The following DIP2C variants were observed in gnomAD, a reference collection of about 807,000 sequenced individuals.
The protein encoded by DIP2C is disco-interacting protein 2 homolog C.
A neutral mutation model predicts 192.4 loss-of-function variants in DIP2C; 33 were observed. The observed-to-expected ratio is 0.17, with a 90% CI of 0.13 to 0.23. The LOEUF (loss-of-function observed/expected upper bound fraction) is 0.23. DIP2C is among the 10% of genes least tolerant of loss of function. The probability of loss-of-function intolerance (pLI) is 1.00; values close to 1 mark genes in which losing one functional copy is unlikely to be tolerated. For synonymous variants in DIP2C, 979 were observed against 864.1 expected (o/e 1.13, Z -2.33); for missense variants, 1,537 against 2,110.1 (o/e 0.73, Z 5.32).
At chr10:553,086 C>T (rs1848663834) in intron 1 of DIP2C, among the ~76,000 whole-genome samples, 1 of 152,250 alleles carries the variant, frequency 6.6e-6, no homozygotes, top group East Asian at 1.9e-4. Flanking sequence ...CACCAAGAGG[C>T]TCGTGCCAAC....
intron 1 of DIP2C, among the ~76,000 whole-genome samples, chr10:605,819 AG>A (rs1852418381): frequency 6.6e-6 from 1 of 152,256 alleles, no homozygotes; most frequent in Non-Finnish European, 1.5e-5. Flanking sequence ...GGTAAGCCCA[AG>A]AAAGGAGGAA....
chr10:298,858 G>A (rs1955882917), intron 32 of DIP2C, among the ~76,000 whole-genome samples: 2 of 152,122 alleles, frequency 1.3e-5, no homozygotes, highest in African/African-American at 4.8e-5. Context: ...TTCAATCTTC[G>A]CTTGCTGAAA....
At chr10:663,012 T>C (rs1588715056) in intron 1 of DIP2C, 1 of 704,548 alleles carries the variant, frequency 1.4e-6, no homozygotes, top group Non-Finnish European at 2.7e-6. Context: ...AGGGTTTCTA[T>C]GTCCAGGAAA....
At chr10:599,185 G>A (rs1851903676) in intron 1 of DIP2C, among the ~76,000 whole-genome samples, 1 of 152,144 alleles carries the variant, frequency 6.6e-6, no homozygotes, top group Admixed American at 6.5e-5. Flanking sequence ...TTTCCCCCTA[G>A]TTTAGGGAGA....
intron 1 of DIP2C, among the ~76,000 whole-genome samples, chr10:563,726 A>T (rs1011212210): frequency 3.3e-5 from 5 of 152,246 alleles, no homozygotes; most frequent in Non-Finnish European, 7.3e-5. Flanking sequence ...ATGCGTCCAG[A>T]GGAAGAGAGA....
intron 26 of DIP2C, 78 bp downstream of exon 26, chr10:348,563 G>A: frequency 1.3e-6 from 2 of 1,558,880 alleles, no homozygotes; most frequent in Middle Eastern, 1.8e-4. Context: ...TGCCCCAAGA[G>A]ATGTCAGAGT....
At chr10:339,013 G>A (rs1046478008) in intron 29 of DIP2C, among the ~76,000 whole-genome samples, 9 of 151,460 alleles carry the variant, frequency 5.9e-5, no homozygotes, top group Non-Finnish European at 7.4e-5. Flanking sequence ...CTCCTCCGAC[G>A]TGGGCTTGGG....
At chr10:523,451 CGTTTCTACTGGA>C (rs1846851175) in intron 1 of DIP2C, among the ~76,000 whole-genome samples, 4 of 130,150 alleles carry the variant, frequency 3.1e-5, no homozygotes, top group Admixed American at 1.5e-4. Flanking sequence ...CCCACACACT[CGTTTCTACTGGA>C]TGCAAAGGAC....
intron 1 of DIP2C, among the ~76,000 whole-genome samples, chr10:604,682 AAATT>A (rs1248353013): frequency 1.3e-5 from 2 of 152,180 alleles, no homozygotes; most frequent in African/African-American, 4.8e-5. Context: ...TTCTCTAATT[AAATT>A]AATTTTCCCC....
chr10:440,060 A>G (rs1043253728), intron 4 of DIP2C, among the ~76,000 whole-genome samples: 4 of 152,240 alleles, frequency 2.6e-5, no homozygotes, highest in African/African-American at 9.6e-5. Context: ...GTTTCTAACA[A>G]GTATCTGGAT....
At chr10:658,029 G>A (rs1164827052) in intron 1 of DIP2C, among the ~76,000 whole-genome samples, 2 of 151,234 alleles carry the variant, frequency 1.3e-5, no homozygotes, top group East Asian at 2.0e-4. Context: ...CCCTGGACCT[G>A]CCCTTGGACC....
At chr10:517,019 C>CT (rs1846406992) in intron 1 of DIP2C, among the ~76,000 whole-genome samples, 1 of 151,706 alleles carries the variant, frequency 6.6e-6, no homozygotes, top group South Asian at 2.1e-4. Flanking sequence ...CAGGGGCTTC[C>CT]TCACTGTGGG....
At chr10:685,167 T>A (rs1307131423) in intron 1 of DIP2C, among the ~76,000 whole-genome samples, 122 of 18,932 alleles carry the variant, frequency 6.4e-3, no homozygotes, top group African/African-American at 0.015. Flanking sequence ...AAAAAATATA[T>A]ATATATATAT....
At chr10:536,220 C>G (rs1444829025) in intron 1 of DIP2C, among the ~76,000 whole-genome samples, 1 of 152,242 alleles carries the variant, frequency 6.6e-6, no homozygotes, top group Non-Finnish European at 1.5e-5. Flanking sequence ...CCATCTCTGC[C>G]TCTGCCTTCA....
Position 333,926 on chromosome 10 carries a change from T to C in DIP2C, c.3585-4325A>G, listed in dbSNP as rs111403288. Among the ~76,000 whole-genome samples the C allele has an allele frequency of 1.3e-3, 201 of 152,362 alleles. 1 individual carries two copies. In the South Asian group the frequency reaches 0.014, roughly 10 times the overall value. ...CGCTAGGTATCTTTTCACGTCCTTA[T>C]TGGCCATTTGTATGTCTTCTTCTGG... On this transcript the variant is annotated intron_variant, in intron 29 of 36. Coordinates refer to ENST00000280886, the MANE Select transcript of DIP2C (RefSeq NM_014974.3).
At chr10:596,540 C>T (rs189612292) in intron 1 of DIP2C, among the ~76,000 whole-genome samples, 1 of 142,266 alleles carries the variant, frequency 7.0e-6, no homozygotes, top group East Asian at 2.3e-4. Flanking sequence ...TTAAGTTTTC[C>T]TTCCAATGAA....
At chr10:616,638 C>A (rs751452625) in intron 1 of DIP2C, among the ~76,000 whole-genome samples, 4 of 152,186 alleles carry the variant, frequency 2.6e-5, no homozygotes, top group Non-Finnish European at 4.4e-5. Flanking sequence ...TTTAATGCCA[C>A]GTGTGCGTGG....
chr10:428,600 T>C (rs1338603727), intron 4 of DIP2C, among the ~76,000 whole-genome samples: 1 of 152,164 alleles, frequency 6.6e-6, no homozygotes, highest in African/African-American at 2.4e-5. Context: ...ACTTTGACTA[T>C]CATGAACCTG....
chr10:378,833 G>A (rs569433647), intron 17 of DIP2C, among the ~76,000 whole-genome samples: 304 of 151,338 alleles, frequency 2.0e-3, no homozygotes, highest in African/African-American at 6.5e-3. Context: ...ATGCACAGAT[G>A]TGAACAGACA....
Sources: allele counts gnomAD v4.1 joint callset (sites outside exome capture counted in the v4.1 genomes callset), GRCh38; gene constraint gnomAD v4.1.1; transcripts MANE v1.5; gene names NCBI Gene and HGNC (gene_info 2026-07-23, HGNC 2026-07-21).